Variants in GGT5 observed in about 807,000 individuals in gnomAD.
The protein encoded by GGT5 is gamma-glutamyltransferase 5.
A neutral mutation model predicts 58.1 loss-of-function variants in GGT5; 50 were observed. The ratio of observed to expected loss-of-function variants is 0.86; its 90% CI spans 0.69 to 1.09. The LOEUF (loss-of-function observed/expected upper bound fraction) is 1.09. Ranked by LOEUF, GGT5 falls within the 50% of genes least tolerant of loss-of-function variation. The pLI, the probability that GGT5 is intolerant of heterozygous loss-of-function variation, is 0.00. For synonymous variants in GGT5, 370 were observed against 346.1 expected, an observed-to-expected ratio of 1.07 and a Z score of -0.77; for missense variants, 800 against 789.4, an observed-to-expected ratio of 1.01 and a Z score of -0.16.
At chr22:24,222,278 T>A (rs960975982) in intron 11 of GGT5, among the ~76,000 whole-genome samples, 2 of 152,162 alleles carry the variant, frequency 1.3e-5, no homozygotes, top group Non-Finnish European at 2.9e-5. Context: ...GACATCTAGA[T>A]GCATCGGGTG....
At chr22:24,242,615 G>A (rs1349245359) in intron 1 of GGT5, 3 of 152,492 alleles carry the variant, frequency 2.0e-5, no homozygotes, top group East Asian at 3.9e-4. Flanking sequence ...ACAGAAAAAA[G>A]AGCAGGAGAC....
chr22:24,238,873 TAATATATATTATATATTTTATA>T (rs2048221641), intron 1 of GGT5, among the ~76,000 whole-genome samples: 6 of 11,770 alleles, frequency 5.1e-4, no homozygotes, highest in African/African-American at 2.0e-3. Flanking sequence ...ATAATATATA[TAATATATATTATATATTTTATA>T]TATATATATA....
intron 5 of GGT5, 33 bp downstream of exon 5, chr22:24,232,012 TCCAGCA>T (rs2047956374): frequency 1.3e-6 from 2 of 1,581,232 alleles, no homozygotes; most frequent in Admixed American, 3.3e-5. Flanking sequence ...TGGCTCTTCC[TCCAGCA>T]GGGATGGGGT....
chr22:24,232,230 A>G, intron 4 of GGT5, 22 bp from the exon 5 acceptor site: 5 of 1,054,954 alleles, frequency 4.7e-6, no homozygotes, highest in East Asian at 6.1e-5. Flanking sequence ...GGGGAGCCTC[A>G]GGGTGGGGCC....
intron 1 of GGT5, among the ~76,000 whole-genome samples, chr22:24,239,294 G>T (rs1213462912): frequency 4.6e-5 from 7 of 151,340 alleles, no homozygotes; most frequent in Non-Finnish European, 1.5e-5. Context: ...AGCCGAGATT[G>T]TGCCACTGCA....
chr22:24,231,956 C>A, intron 5 of GGT5, 95 bp downstream of exon 5: 1 of 1,076,896 alleles, frequency 9.3e-7, no homozygotes. Flanking sequence ...TGCACTCCCT[C>A]AGGGCCTGGG....
intron 1 of GGT5, among the ~76,000 whole-genome samples, chr22:24,235,144 C>T (rs1049483925): frequency 8.1e-5 from 12 of 148,182 alleles, no homozygotes; most frequent in African/African-American, 2.2e-4. Flanking sequence ...ATTGCAACCT[C>T]GCCTCCCGGA....
Position 24,238,021 on chromosome 22 carries a change from A to T in GGT5, c.174-4017T>A, listed in dbSNP as rs540229070. Among the ~76,000 whole-genome samples the T allele has an allele frequency of 4.0e-4, 61 of 152,052 alleles. 2 individuals are homozygous for T. The South Asian group carries it at 0.012, about 30-fold the overall frequency. ...GGTGGGTAGGTCACCTGAGGTCAGG[A>T]GTTCGAGACCAGCCTGGCCAACGTG... On this transcript the variant is annotated intron_variant, in intron 1 of 11. Coordinates refer to ENST00000327365, the MANE Select transcript of GGT5 (RefSeq NM_004121.5).
rs149632203 is a variant in GGT5 at position 24,233,945 on chromosome 22, G to A, written c.233C>T (p.Thr78Ile). Residue 78 changes from threonine to isoleucine, a missense_variant, in exon 2 of 12, where the codon ACC becomes ATC. Physicochemically the swap from Thr to Ile is moderately conservative, Grantham distance 89. Transcript: ENST00000327365. ...CATGCTCTGAGGGTTGACGACGCTGGTGCAGACCAGAGCCGCGATGGTGGC... is the reference window on the plus strand; with the variant it reads ...CATGCTCTGAGGGTTGACGACGCTGATGCAGACCAGAGCCGCGATGGTGGC... Reference protein sequence around the residue: ...VDATIAALVCTSVVNPQSMGL... With the variant: ...VDATIAALVCISVVNPQSMGL... The A allele has an allele frequency of 1.2e-6, 2 of 1,613,428 alleles. No individual in the cohort carries two copies. The highest frequency in any genetic ancestry group is 2.7e-5 in the African/African-American group (2 of 74,894).
intron 11 of GGT5, among the ~76,000 whole-genome samples, chr22:24,221,597 C>T (rs985576388): frequency 4.6e-5 from 7 of 152,230 alleles, no homozygotes; most frequent in African/African-American, 1.7e-4. Flanking sequence ...ACTGCAACTT[C>T]CCCTCCCAGG....
chr22:24,226,468 C>T (rs1264274605), intron 7 of GGT5, among the ~76,000 whole-genome samples, 163 bp downstream of exon 7: 1 of 152,178 alleles, frequency 6.6e-6, no homozygotes, highest in Non-Finnish European at 1.5e-5. Context: ...CTGCACCTGA[C>T]CCCTGTACCT....
intron 11 of GGT5, among the ~76,000 whole-genome samples, chr22:24,223,451 C>G (rs946581718): frequency 6.6e-6 from 1 of 152,024 alleles, no homozygotes; most frequent in African/African-American, 2.4e-5. Context: ...AAGGATGTGC[C>G]CTGGATCTTG....
rs367843924 is a variant in GGT5 at position 24,225,617 on chromosome 22, A to G, written c.1265T>C (p.Ile422Thr). Residue 422 changes from isoleucine (I) to threonine (T), a missense_variant, in exon 9 of 12, where the codon ATC becomes ACC. By Grantham distance (89) the Ile-to-Thr change is moderately conservative (BLOSUM62 -1). Transcript: ENST00000327365. ...GTCCAGGAGCTCGTTGTTGAGGATG[A>G]TGCCTGTCCGTGGTGAATACACCAT... ...GAMVYSPRTG[I>T]ILNNELLDLC... is the part of the protein sequence containing the mutation. 1.2e-6 allele frequency: 2 copies of G among 1,613,164 alleles called. No individual in the cohort carries two copies. Among genetic ancestry groups the G allele is most frequent in the Non-Finnish European group, 1.7e-6 (2 of 1,179,270 alleles).
intron 1 of GGT5, chr22:24,242,355 T>G (rs1401618019): frequency 1.3e-5 from 2 of 151,758 alleles, no homozygotes; most frequent in Non-Finnish European, 2.9e-5. Context: ...TCCCAGCACT[T>G]TGGGAGGCGG....
intron 1 of GGT5, among the ~76,000 whole-genome samples, chr22:24,235,929 G>T (rs373784367): frequency 6.6e-6 from 1 of 152,130 alleles, no homozygotes; most frequent in East Asian, 1.9e-4. Context: ...TTTGGTTTTC[G>T]TCCCACCTCC....
chr22:24,243,026 C>T (rs1257975131), intron 1 of GGT5: 1 of 152,358 alleles, frequency 6.6e-6, no homozygotes, highest in South Asian at 2.1e-4. Flanking sequence ...CAGTGACCGT[C>T]ACGCACACAG....
At chr22:24,236,459 A>G (rs1348643944) in intron 1 of GGT5, among the ~76,000 whole-genome samples, 1 of 152,078 alleles carries the variant, frequency 6.6e-6, no homozygotes, top group African/African-American at 2.4e-5. Flanking sequence ...GCTCCCTTAC[A>G]TTTTAAAAAA....
Position 24,231,387 on chromosome 22 carries a change from T to C in GGT5, c.898A>G (p.Arg300Gly). The change falls in exon 6 of 12, where the codon AGA becomes GGA. Residue 300 changes from arginine (R) to glycine (G), a missense_variant. Transcript: ENST00000327365. ...GGGCTCTGGGCAGGGGCTTTACCTC[T>C]TAGCACGTTGAGGATAAAGCTGAGA... ...AILSFILNVL[R>G]GFNFSTESMA... 6.5e-7 allele frequency: 1 copy of C among 1,547,292 alleles called. No homozygotes were observed. Among genetic ancestry groups the C allele is most frequent in the Non-Finnish European group, 8.7e-7 (1 of 1,145,144 alleles).
chr22:24,238,832 T>TA (rs1491187055), intron 1 of GGT5, among the ~76,000 whole-genome samples: 1,645 of 11,624 alleles, frequency 0.14, 215 homozygotes, highest in Admixed American at 0.21. Context: ...TATATATATA[T>TA]TTATATATAT....
Sources: gnomAD v4.1 joint callset for allele counts (sites outside exome capture counted in the v4.1 genomes callset) on GRCh38, gnomAD v4.1.1 for gene constraint, MANE v1.5 for transcripts, NCBI Gene and HGNC (gene_info 2026-07-23, HGNC 2026-07-21) for gene names.